Variants in SEMA3C observed in about 807,000 individuals in gnomAD.
SEMA3C encodes the protein semaphorin-3C.
A neutral mutation model predicts 89.4 loss-of-function variants in SEMA3C; 47 were observed. That is an observed-to-expected ratio of 0.53 (90% CI 0.42 to 0.67). SEMA3C has a LOEUF of 0.67. SEMA3C is among the 30% of genes least tolerant of loss of function. The probability of loss-of-function intolerance (pLI) is 0.00; values close to 1 mark genes in which losing one functional copy is unlikely to be tolerated. For synonymous variants in SEMA3C, 310 were observed against 320.2 expected, an observed-to-expected ratio of 0.97 and a Z score of 0.34; for missense variants, 839 against 929.1, an observed-to-expected ratio of 0.90 and a Z score of 1.26.
chr7:80,852,136 T>C (rs967654478), intron 2 of SEMA3C, among the ~76,000 whole-genome samples: 10 of 152,138 alleles, frequency 6.6e-5, no homozygotes, highest in African/African-American at 2.2e-4. Context: ...TAGAAGACTC[T>C]TGGACACATT....
chr7:80,869,280 A>C (rs1161490211), intron 2 of SEMA3C, among the ~76,000 whole-genome samples: 1 of 152,208 alleles, frequency 6.6e-6, no homozygotes, highest in Non-Finnish European at 1.5e-5. Context: ...ATGTTAATGA[A>C]AACGTGTTTG....
intron 2 of SEMA3C, among the ~76,000 whole-genome samples, chr7:80,906,281 G>A (rs1450897147): frequency 2.0e-5 from 3 of 152,248 alleles, no homozygotes; most frequent in East Asian, 3.9e-4. Flanking sequence ...TATTAGAAAA[G>A]GTTGCAACTA....
intron 5 of SEMA3C, among the ~76,000 whole-genome samples, chr7:80,810,996 T>G (rs1789455176): frequency 6.6e-6 from 1 of 152,142 alleles, no homozygotes; most frequent in Admixed American, 6.5e-5. Flanking sequence ...CCAAGTATTA[T>G]TATAAATCTC....
chr7:80,864,050 T>C (rs1461982857), intron 2 of SEMA3C, among the ~76,000 whole-genome samples: 2 of 151,762 alleles, frequency 1.3e-5, no homozygotes, highest in Non-Finnish European at 2.9e-5. Flanking sequence ...AATGACAGAC[T>C]ACTACTCAGC....
Position 80,804,095 on chromosome 7 carries a change from T to A in SEMA3C, c.801+11A>T. On this transcript the variant is annotated intron_variant, in intron 8 of 17. Transcript: ENST00000265361. ...GGTCTTTCTTCAAATCGGAACAGCATTAATACTTACAGGACATATTCGAGC... is the reference window on the plus strand; with the variant it reads ...GGTCTTTCTTCAAATCGGAACAGCAATAATACTTACAGGACATATTCGAGC... 6.2e-7 allele frequency: 1 copy of A among 1,603,320 alleles called. No individual in the cohort carries two copies. Among genetic ancestry groups the A allele is most frequent in the Non-Finnish European group, 8.5e-7 (1 of 1,174,786 alleles).
intron 12 of SEMA3C, among the ~76,000 whole-genome samples, chr7:80,769,537 A>G (rs1465403342): frequency 6.6e-6 from 1 of 152,146 alleles, no homozygotes; most frequent in Non-Finnish European, 1.5e-5. Flanking sequence ...ATATTACACA[A>G]AGAAGGGCTA....
chr7:80,806,747 C>A (rs1321540227), intron 6 of SEMA3C, among the ~76,000 whole-genome samples: 1 of 152,038 alleles, frequency 6.6e-6, no homozygotes, highest in Admixed American at 6.6e-5. Flanking sequence ...TCAGCCTGGC[C>A]CACTGAACTG....
At chr7:80,891,272 C>G (rs1224537399) in intron 2 of SEMA3C, among the ~76,000 whole-genome samples, 2 of 152,152 alleles carry the variant, frequency 1.3e-5, no homozygotes, top group African/African-American at 4.8e-5. Flanking sequence ...CCGTCTATAT[C>G]CCGTCTTGCG....
intron 6 of SEMA3C, among the ~76,000 whole-genome samples, chr7:80,806,769 C>T (rs923804203): frequency 6.6e-6 from 1 of 152,102 alleles, no homozygotes; most frequent in Non-Finnish European, 1.5e-5. Context: ...CATGCAGCTG[C>T]GTTCCTTGAC....
At chr7:80,819,999 T>A (rs1789705359) in intron 4 of SEMA3C, among the ~76,000 whole-genome samples, 1 of 151,414 alleles carries the variant, frequency 6.6e-6, no homozygotes, top group African/African-American at 2.4e-5. Flanking sequence ...AATTTTTCCC[T>A]GGGTGGTCAG....
intron 15 of SEMA3C, among the ~76,000 whole-genome samples, chr7:80,756,158 C>T (rs1788061015): frequency 6.6e-6 from 1 of 152,142 alleles, no homozygotes; most frequent in Admixed American, 6.5e-5. Flanking sequence ...CCTCTTTTTC[C>T]TCACAAACCT....
At chr7:80,795,515 T>G (rs2115625731) in intron 11 of SEMA3C, among the ~76,000 whole-genome samples, 1 of 152,346 alleles carries the variant, frequency 6.6e-6, no homozygotes, top group South Asian at 2.1e-4. Flanking sequence ...AACCCTGGCT[T>G]ACTCTACACT....
At chr7:80,799,873 C>T (rs1297502653) in intron 10 of SEMA3C, among the ~76,000 whole-genome samples, 1 of 145,046 alleles carries the variant, frequency 6.9e-6, no homozygotes, top group Non-Finnish European at 1.5e-5. Flanking sequence ...AAAAAATGGC[C>T]GGGCGCAGTG....
At chr7:80,847,592 C>A (rs1018897114) in intron 2 of SEMA3C, among the ~76,000 whole-genome samples, 4 of 151,464 alleles carry the variant, frequency 2.6e-5, no homozygotes, top group African/African-American at 7.3e-5. Context: ...GTTTTTTTTT[C>A]CCCTTTCCAA....
intron 2 of SEMA3C, among the ~76,000 whole-genome samples, chr7:80,879,733 G>A (rs994171365): frequency 1.3e-5 from 2 of 152,064 alleles, no homozygotes; most frequent in African/African-American, 4.8e-5. Flanking sequence ...AGCTTTTGTT[G>A]AGGTAATATA....
intron 12 of SEMA3C, among the ~76,000 whole-genome samples, chr7:80,777,794 C>A (rs1034767221): frequency 4.6e-5 from 7 of 152,106 alleles, no homozygotes; most frequent in Non-Finnish European, 1.0e-4. Context: ...AAATAGATTT[C>A]TGGGACAAAG....
At chr7:80,753,091 T>C (rs1787974397) in intron 15 of SEMA3C, among the ~76,000 whole-genome samples, 2 of 152,214 alleles carry the variant, frequency 1.3e-5, no homozygotes, top group African/African-American at 4.8e-5. Context: ...TGTAGAAATC[T>C]ACTTATGGTA....
In SEMA3C at chr7:80,744,530, T is replaced by C; in HGVS notation, c.*364A>G. ...TATACAAAATCACTGACAATTAGAA[T>C]TCTAAAGCCCCAAAGCAGGAAAGGA... On this transcript the variant is annotated 3_prime_UTR_variant, in exon 18 of 18. Transcript: ENST00000265361. 4.7e-6 allele frequency: 1 copy of C among 214,388 alleles called. No homozygotes were observed. Among genetic ancestry groups the C allele is most frequent in the South Asian group, 8.9e-5 (1 of 11,196 alleles). The allele number at this position is 214,388 out of a possible 1,614,324, so 13.3% of individuals were successfully genotyped here. A position where few individuals can be genotyped will look rare whatever the true frequency, so the allele number is the denominator to read the frequency against.
At position 80,751,364 on chromosome 7, in the gene SEMA3C, A is replaced by G. The variant is rs776546222; in HGVS notation, c.1644-28T>C. On this transcript the variant is annotated intron_variant, in intron 15 of 17. Transcript: ENST00000265361. ...GCAAGTGCAGAAATACATAAAAGTG[A>G]CTGAGAATTATCACTGCCAATTACA... The G allele has an allele frequency of 4.4e-6, 7 of 1,597,510 alleles. No individual in the cohort carries two copies. In the African/African-American group the frequency reaches 6.7e-5, roughly 15 times the overall value.
Sources: gnomAD v4.1 joint callset for allele counts (sites outside exome capture counted in the v4.1 genomes callset) on GRCh38, gnomAD v4.1.1 for gene constraint, MANE v1.5 for transcripts, NCBI Gene and HGNC (gene_info 2026-07-23, HGNC 2026-07-21) for gene names.